Variants in FMN2 observed in about 807,000 individuals in gnomAD.
The protein encoded by FMN2 is formin 2.
FMN2 carries 51 observed loss-of-function variants against 142.3 expected under a neutral mutation model. The ratio of observed to expected loss-of-function variants is 0.36; its 90% CI spans 0.29 to 0.45. The LOEUF is 0.45. Among genes scored for constraint, FMN2 ranks in the 20% least tolerant of loss-of-function variants. FMN2 has a pLI of 1.00. For missense variants in FMN2, 1,936 were observed against 2,122.8 expected (o/e 0.91, Z 1.73); for synonymous variants, 882 against 869.8 (o/e 1.01, Z -0.25).
intron 8 of FMN2, among the ~76,000 whole-genome samples, chr1:240,314,410 C>G (rs551777467): frequency 6.6e-6 from 1 of 152,230 alleles, no homozygotes; most frequent in South Asian, 2.1e-4. Flanking sequence ...CTAGGTTCAA[C>G]TACTGACCTA....
intron 1 of FMN2, among the ~76,000 whole-genome samples, chr1:240,097,382 G>T (rs1176183397): frequency 6.8e-6 from 1 of 146,930 alleles, no homozygotes; most frequent in Admixed American, 6.8e-5. Flanking sequence ...TTGAGACAGA[G>T]TCTCGCTCTG....
At chr1:240,283,670 AC>A (rs1383704145) in intron 7 of FMN2, among the ~76,000 whole-genome samples, 1 of 152,138 alleles carries the variant, frequency 6.6e-6, no homozygotes, top group Non-Finnish European at 1.5e-5. Flanking sequence ...CCAACCACAT[AC>A]TTTTATACAA....
chr1:240,268,943 A>G (rs1015650872), intron 7 of FMN2, among the ~76,000 whole-genome samples: 3 of 151,988 alleles, frequency 2.0e-5, no homozygotes, highest in African/African-American at 7.2e-5. Flanking sequence ...ACATATAAAT[A>G]TATTAGATAT....
intron 7 of FMN2, among the ~76,000 whole-genome samples, chr1:240,292,275 C>T (rs896454439): frequency 7.9e-5 from 12 of 151,534 alleles, no homozygotes; most frequent in Non-Finnish European, 1.2e-4. Context: ...TTTTTGCCAC[C>T]GAAATAAATA....
At chr1:240,214,803 C>A (rs1666832387) in intron 6 of FMN2, among the ~76,000 whole-genome samples, 1 of 152,144 alleles carries the variant, frequency 6.6e-6, no homozygotes, top group African/African-American at 2.4e-5. Context: ...TGGTGGCTCA[C>A]ACCTGTAATC....
At chr1:240,454,071 A>G (rs1460697019) in intron 16 of FMN2, among the ~76,000 whole-genome samples, 1 of 152,032 alleles carries the variant, frequency 6.6e-6, no homozygotes, top group African/African-American at 2.4e-5. Flanking sequence ...TAACTTCTCT[A>G]TGAGGGAGTT....
intron 4 of FMN2, among the ~76,000 whole-genome samples, chr1:240,200,702 T>C (rs1466981051): frequency 1.3e-5 from 2 of 152,114 alleles, no homozygotes; most frequent in Admixed American, 6.6e-5. Context: ...CAGGTAAGGA[T>C]AGGTCATAGG....
At chr1:240,441,937 AAG>A (rs1182274198) in intron 16 of FMN2, among the ~76,000 whole-genome samples, 1 of 152,068 alleles carries the variant, frequency 6.6e-6, no homozygotes, top group Non-Finnish European at 1.5e-5. Context: ...TCAAAGCAAA[AAG>A]AGAGAGACAG....
intron 2 of FMN2, among the ~76,000 whole-genome samples, chr1:240,164,592 T>C (rs1664403048): frequency 6.6e-6 from 1 of 152,210 alleles, no homozygotes; most frequent in Admixed American, 6.5e-5. Context: ...CATTTTCTTC[T>C]TGAAAAATAT....
At chr1:240,106,734 G>C (rs975804857) in intron 1 of FMN2, among the ~76,000 whole-genome samples, 1 of 151,174 alleles carries the variant, frequency 6.6e-6, no homozygotes, top group Non-Finnish European at 1.5e-5. Context: ...TGCTAGGCTG[G>C]AGTGCAATGG....
chr1:240,474,497 C>A lies in FMN2; in HGVS notation c.*343C>A. ...AATTCACTGTTGTGAGAATATTCCT[C>A]GTCACAGCAAAAACACTTTCCTTTC... On this transcript the variant is annotated 3_prime_UTR_variant, in exon 18 of 18. Coordinates refer to ENST00000319653, the MANE Select transcript of FMN2 (RefSeq NM_020066.5). The A allele has an allele frequency of 4.8e-6, 1 of 206,246 alleles. No homozygotes were observed. The highest frequency in any genetic ancestry group is 1.0e-4 in the East Asian group (1 of 9,544). The allele number at this position is 206,246 out of a possible 1,614,324, so 12.8% of individuals were successfully genotyped here.
In FMN2 at chr1:240,093,280, G is replaced by T. The variant is rs563663341; in HGVS notation, c.1171G>T (p.Ala391Ser). 29 of 1,605,556 alleles carry T rather than the reference G, an allele frequency of 1.8e-5. No individual in the cohort carries two copies. In the South Asian group the frequency reaches 2.8e-4, roughly 15 times the overall value. Residue 391 changes from alanine to serine, a missense_variant, in exon 1 of 18, where the codon GCC becomes TCC. By Grantham distance (99) the Ala-to-Ser change is moderately conservative. Around this residue, in one of 8 missense-constraint regions of FMN2, gnomAD observed 751 missense variants for 791.8 expected, o/e 0.95. Transcript: ENST00000319653. The stretch of plus-strand genomic sequence containing the variant: ...GGAGGAGGAGGCGCAAGGACCTGAC[G>T]CCCCCGCGGCCGCTTCCCTGCCCGG... The part of the protein sequence containing the change: ...EPEEEAQGPD[A>S]PAAASLPGSP...
intron 4 of FMN2, among the ~76,000 whole-genome samples, chr1:240,194,504 G>T (rs1665839889): frequency 1.3e-5 from 2 of 152,164 alleles, no homozygotes; most frequent in East Asian, 1.9e-4. Flanking sequence ...TAGGGAGAAG[G>T]GTGAGTGGAG....
At chr1:240,343,554 G>A (rs946847440) in intron 13 of FMN2, among the ~76,000 whole-genome samples, 1 of 152,172 alleles carries the variant, frequency 6.6e-6, no homozygotes, top group African/African-American at 2.4e-5. Context: ...TAAAATAGGA[G>A]CAGGGAGCAG....
At chr1:240,444,870 AGAATG>A (rs1407028525) in intron 16 of FMN2, among the ~76,000 whole-genome samples, 3 of 152,232 alleles carry the variant, frequency 2.0e-5, no homozygotes, top group Non-Finnish European at 4.4e-5. Context: ...ATACATCTGA[AGAATG>A]GAGATAAGGA....
intron 15 of FMN2, among the ~76,000 whole-genome samples, chr1:240,398,022 A>G (rs1487412761): frequency 6.7e-6 from 1 of 150,228 alleles, no homozygotes; most frequent in South Asian, 2.1e-4. Flanking sequence ...TTGAGACATA[A>G]TCTTGCTCTG....
At chr1:240,449,003 G>T (rs187856300) in intron 16 of FMN2, among the ~76,000 whole-genome samples, 3 of 151,854 alleles carry the variant, frequency 2.0e-5, no homozygotes, top group Non-Finnish European at 2.9e-5. Context: ...TTAGTTGGGC[G>T]TGGTGGCGCC....
chr1:240,218,815 A>C (rs1158707244), intron 6 of FMN2, among the ~76,000 whole-genome samples: 1 of 152,182 alleles, frequency 6.6e-6, no homozygotes, highest in Non-Finnish European at 1.5e-5. Flanking sequence ...CTGGAGGGCT[A>C]ATTTATTGTG....
chr1:240,393,026 C>T (rs920383710), intron 15 of FMN2, among the ~76,000 whole-genome samples: 17 of 152,164 alleles, frequency 1.1e-4, no homozygotes, highest in African/African-American at 4.1e-4. Context: ...TTTCTGCCTC[C>T]ATTTTCTCTT....
Sources: allele counts gnomAD v4.1 joint callset (sites outside exome capture counted in the v4.1 genomes callset), GRCh38; gene constraint gnomAD v4.1.1; regional missense constraint gnomAD v4.1.1; transcripts MANE v1.5; gene names NCBI Gene and HGNC (gene_info 2026-07-23, HGNC 2026-07-21).